The following CNTLN variants were observed in gnomAD, a reference collection of about 807,000 sequenced individuals.
The protein encoded by CNTLN is centlein.
In CNTLN, 212 loss-of-function variants were observed where a neutral mutation model predicts 180.0. The observed-to-expected ratio is 1.18, with a 90% CI of 1.05 to 1.32. CNTLN has a LOEUF of 1.32. Ranked by LOEUF, CNTLN falls within the 40% of genes most tolerant of loss-of-function variation. The probability of loss-of-function intolerance (pLI) is 0.00; values close to 1 mark genes in which losing one functional copy is unlikely to be tolerated. For missense variants in CNTLN, 2,095 were observed against 1,610.9 expected (o/e 1.30, Z -5.14); for synonymous variants, 722 against 563.1 (o/e 1.28, Z -3.99).
chr9:17,358,755 C>A (rs1823059002), intron 12 of CNTLN, among the ~76,000 whole-genome samples: 1 of 151,988 alleles, frequency 6.6e-6, no homozygotes, highest in Non-Finnish European at 1.5e-5. Flanking sequence ...AGCACATATA[C>A]AAGAATGCTC....
At chr9:17,290,671 C>T (rs1829323105) in intron 6 of CNTLN, among the ~76,000 whole-genome samples, 1 of 149,984 alleles carries the variant, frequency 6.7e-6, no homozygotes, top group Non-Finnish European at 1.5e-5. Flanking sequence ...ACTCCGTGGG[C>T]GTAGGACCCT....
intron 2 of CNTLN, among the ~76,000 whole-genome samples, chr9:17,149,945 A>C (rs1346602840): frequency 6.6e-6 from 1 of 152,096 alleles, no homozygotes; most frequent in Admixed American, 6.5e-5. Flanking sequence ...GGCTGCATAA[A>C]TGTTTTCTTG....
intron 18 of CNTLN, among the ~76,000 whole-genome samples, chr9:17,435,043 C>T (rs1251439780): frequency 6.6e-6 from 1 of 152,082 alleles, no homozygotes; most frequent in East Asian, 1.9e-4. Context: ...TTGACTTCTC[C>T]AAAAACAAGT....
intron 12 of CNTLN, among the ~76,000 whole-genome samples, chr9:17,347,667 T>C (rs1205899133): frequency 1.3e-5 from 1 of 75,724 alleles, no homozygotes; most frequent in Admixed American, 1.6e-4. Flanking sequence ...AGTAAGACTC[T>C]TGTCTCAAAA....
intron 9 of CNTLN, among the ~76,000 whole-genome samples, chr9:17,331,223 A>C (rs1326159511): frequency 6.6e-6 from 1 of 151,874 alleles, no homozygotes; most frequent in Non-Finnish European, 1.5e-5. Flanking sequence ...TGTTTAAAAT[A>C]CTGTCTGTGT....
intron 23 of CNTLN, among the ~76,000 whole-genome samples, chr9:17,468,992 T>C (rs1197451259): frequency 6.6e-6 from 1 of 151,722 alleles, no homozygotes; most frequent in Non-Finnish European, 1.5e-5. Context: ...ATGATAAATA[T>C]GGACAGGCTG....
intron 6 of CNTLN, among the ~76,000 whole-genome samples, chr9:17,295,198 G>A (rs572350710): frequency 4.0e-4 from 61 of 152,110 alleles, no homozygotes; most frequent in African/African-American, 1.3e-3. Flanking sequence ...CCCAGTTCCC[G>A]CCCACGCCTG....
chr9:17,217,821 A>T (rs1227712551), intron 2 of CNTLN, among the ~76,000 whole-genome samples: 1 of 152,258 alleles, frequency 6.6e-6, no homozygotes, highest in African/African-American at 2.4e-5. Flanking sequence ...GAAAATCAGG[A>T]AATAGTCACT....
rs145196911 is a variant in CNTLN at position 17,447,027 on chromosome 9, G to T, written c.3115-10497G>T. 1,240 of 154,860 alleles carry T rather than the reference G, an allele frequency of 8.0e-3. 13 individuals are homozygous for T. Among genetic ancestry groups the T allele is most frequent in the Non-Finnish European group, 0.012 (844 of 69,448 alleles). The allele number at this position is 154,860 out of a possible 1,614,324, so 9.6% of individuals were successfully genotyped here. ...GTATGTCTTTAAAATTTATGAATGC[G>T]GTATTTCACATAGACTGCAGTCAAA... On this transcript the variant is annotated intron_variant, in intron 18 of 25. Coordinates refer to ENST00000380647, the MANE Select transcript of CNTLN (RefSeq NM_017738.4).
intron 5 of CNTLN, 111 bp downstream of exon 5, chr9:17,236,699 G>A: frequency 1.3e-6 from 1 of 762,918 alleles, no homozygotes; most frequent in Admixed American, 3.2e-5. Flanking sequence ...CACCAGTGGG[G>A]ACTAGCATTA....
intron 12 of CNTLN, among the ~76,000 whole-genome samples, chr9:17,343,509 G>A (rs1821641576): frequency 6.6e-6 from 1 of 152,138 alleles, no homozygotes; most frequent in African/African-American, 2.4e-5. Context: ...TAGACCATAT[G>A]AGATTTAAAT....
chr9:17,215,512 A>C (rs1273479373), intron 2 of CNTLN, among the ~76,000 whole-genome samples: 1 of 152,190 alleles, frequency 6.6e-6, no homozygotes, highest in East Asian at 1.9e-4. Context: ...GAACCACTTG[A>C]GGAGGCAGTT....
chr9:17,343,082 A>G (rs865778547), intron 12 of CNTLN, among the ~76,000 whole-genome samples: 2 of 152,312 alleles, frequency 1.3e-5, no homozygotes, highest in Non-Finnish European at 2.9e-5. Context: ...TTTTCCACAT[A>G]GGTGTTTTAG....
chr9:17,233,711 A>T (rs530319486), intron 3 of CNTLN, among the ~76,000 whole-genome samples: 16 of 146,038 alleles, frequency 1.1e-4, no homozygotes, highest in African/African-American at 2.4e-4. Context: ...AATACTGTAC[A>T]TCAAGAAATT....
intron 4 of CNTLN, 53 bp from the exon 5 acceptor site, chr9:17,236,356 G>T (rs1318903611): frequency 4.9e-5 from 71 of 1,461,064 alleles, no homozygotes; most frequent in Non-Finnish European, 6.2e-5. Context: ...CATTTTTTGG[G>T]TTTTTTGTTT....
At chr9:17,333,277 G>C (rs1820765052) in intron 10 of CNTLN, among the ~76,000 whole-genome samples, 1 of 152,046 alleles carries the variant, frequency 6.6e-6, no homozygotes, top group South Asian at 2.1e-4. Context: ...GTCTTTGAGA[G>C]CTTATATTAA....
chr9:17,236,210 C>T (rs1390770440), intron 4 of CNTLN, among the ~76,000 whole-genome samples, 199 bp from the exon 5 acceptor site: 1 of 152,038 alleles, frequency 6.6e-6, no homozygotes, highest in Non-Finnish European at 1.5e-5. Context: ...AGCTGTCATC[C>T]AGTGAAAAAA....
intron 2 of CNTLN, among the ~76,000 whole-genome samples, chr9:17,211,357 G>T (rs776159935): frequency 3.9e-5 from 6 of 152,182 alleles, no homozygotes; most frequent in African/African-American, 9.7e-5. Flanking sequence ...TCAAAGATCA[G>T]TTGGTTGTAG....
At chr9:17,251,335 G>C (rs1826126208) in intron 5 of CNTLN, among the ~76,000 whole-genome samples, 1 of 151,862 alleles carries the variant, frequency 6.6e-6, no homozygotes, top group Non-Finnish European at 1.5e-5. Flanking sequence ...TATTCAAATA[G>C]TATTTCTACC....
Sources: allele counts gnomAD v4.1 joint callset (sites outside exome capture counted in the v4.1 genomes callset), GRCh38; gene constraint gnomAD v4.1.1; transcripts MANE v1.5; gene names NCBI Gene and HGNC (gene_info 2026-07-23, HGNC 2026-07-21).